Variants in TTC4 observed in about 807,000 individuals in gnomAD.
TTC4 encodes the protein hsp70/Hsp90 co-chaperone CNS1 homolog.
In TTC4, 36 loss-of-function variants were observed where a neutral mutation model predicts 51.9. The ratio of observed to expected loss-of-function variants is 0.69; its 90% confidence interval spans 0.53 to 0.92. The LOEUF is 0.92. TTC4 is among the 40% of genes least tolerant of loss of function. The pLI is 0.00. For missense variants in TTC4, 399 were observed against 454.6 expected (o/e 0.88, Z 1.11); for synonymous variants, 144 against 164.2 (o/e 0.88, Z 0.94).
chr1:54,732,204 T>C (rs553499268), intron 7 of TTC4, among the ~76,000 whole-genome samples: 231 of 150,250 alleles, frequency 1.5e-3, no homozygotes, highest in African/African-American at 5.5e-3. Flanking sequence ...ATCTGTAATA[T>C]CAGCTACTCA....
chr1:54,733,003 C>T (rs1645886301), intron 7 of TTC4, among the ~76,000 whole-genome samples: 1 of 151,712 alleles, frequency 6.6e-6, no homozygotes, highest in Non-Finnish European at 1.5e-5. Context: ...ACGAGAATCA[C>T]TTGAACCCAG....
intron 6 of TTC4, among the ~76,000 whole-genome samples, chr1:54,730,366 C>T (rs1411638092): frequency 2.0e-5 from 3 of 150,324 alleles, no homozygotes; most frequent in South Asian, 4.2e-4. Flanking sequence ...CAACAGTACA[C>T]GAAGCCATGC....
At chr1:54,736,200 GA>G (rs1488839784) in intron 8 of TTC4, among the ~76,000 whole-genome samples, 9 of 135,806 alleles carry the variant, frequency 6.6e-5, no homozygotes, top group African/African-American at 1.7e-4. Flanking sequence ...GAGAGAGAGA[GA>G]GAGAGAGAGA....
At chr1:54,738,197 G>A (rs1206919048) in intron 9 of TTC4, among the ~76,000 whole-genome samples, 1 of 152,058 alleles carries the variant, frequency 6.6e-6, no homozygotes, top group Non-Finnish European at 1.5e-5. Context: ...CACCACTCCC[G>A]GTCAAAAACT....
At chr1:54,729,288 G>C (rs1346996465) in intron 6 of TTC4, among the ~76,000 whole-genome samples, 1 of 152,200 alleles carries the variant, frequency 6.6e-6, no homozygotes, top group East Asian at 1.9e-4. Context: ...TCAGACCATG[G>C]TTGACCACTG....
chr1:54,727,259 G>A (rs535756305), intron 5 of TTC4, among the ~76,000 whole-genome samples: 12 of 152,144 alleles, frequency 7.9e-5, no homozygotes, highest in East Asian at 3.9e-4. Context: ...TCAATAGGGA[G>A]GTAATCTTTT....
At chr1:54,731,058 G>A (rs918103184) in intron 6 of TTC4, among the ~76,000 whole-genome samples, 1 of 152,126 alleles carries the variant, frequency 6.6e-6, no homozygotes, top group Non-Finnish European at 1.5e-5. Flanking sequence ...GAGGCTTGAG[G>A]GCAGGTAGCC....
Position 54,722,765 on chromosome 1 carries a change from T to G in TTC4, c.560T>G (p.Leu187Arg). The change falls in exon 5 of 10, where the codon CTT becomes CGT. Residue 187 changes from leucine (L) to arginine (R), a missense_variant. Around this residue, in one of 3 missense-constraint regions of TTC4, gnomAD observed 316 missense variants for 349.6 expected, o/e 0.90. Transcript: ENST00000371281. ...CAAATAGATGCCAAAGAGAAGAAGC[T>G]TCTGGAAATGAGGGCTAAAGCAGAC... Reference protein sequence around the residue: ...GLQIDAKEKKLLEMRAKADKL... With the variant: ...GLQIDAKEKKRLEMRAKADKL... The G allele has an allele frequency of 6.2e-7, 1 of 1,613,966 alleles. No homozygotes were observed. The highest frequency in any genetic ancestry group is 8.5e-7 in the Non-Finnish European group (1 of 1,179,920).
intron 8 of TTC4, among the ~76,000 whole-genome samples, chr1:54,734,372 A>C (rs1049577127): frequency 6.6e-6 from 1 of 151,638 alleles, no homozygotes; most frequent in African/African-American, 2.4e-5. Flanking sequence ...ATGCCCAACC[A>C]GAATTGTTTT....
At chr1:54,716,104 TC>T in intron 1 of TTC4, 85 bp downstream of exon 1, 1 of 1,067,806 alleles carries the variant, frequency 9.4e-7, no homozygotes, top group Non-Finnish European at 1.4e-6. Context: ...CCTCCTTCAA[TC>T]CCAGATCCCT....
intron 9 of TTC4, among the ~76,000 whole-genome samples, chr1:54,738,359 G>T (rs1166998667): frequency 2.6e-5 from 4 of 152,144 alleles, no homozygotes; most frequent in Admixed American, 2.6e-4. Flanking sequence ...ATTTGGTTGG[G>T]GATACAGAGC....
intron 7 of TTC4, among the ~76,000 whole-genome samples, chr1:54,732,098 G>A (rs547843308): frequency 2.0e-5 from 3 of 151,984 alleles, no homozygotes; most frequent in Non-Finnish European, 4.4e-5. Flanking sequence ...TTGGGAGGCC[G>A]AGTCAGGCAG....
At chr1:54,731,721 C>A in intron 7 of TTC4, 21 bp downstream of exon 7, 1 of 1,606,844 alleles carries the variant, frequency 6.2e-7, no homozygotes. Context: ...GCCCAGGAGC[C>A]CTCTGCTTTT....
At position 54,741,562 on chromosome 1, in the gene TTC4, C is replaced by T; in HGVS notation, c.*49C>T. ...CTCCCTTACCCTCCTCTGCTGGGAA[C>T]CTAGCACACCTGAATCAGCTGGACA... On this transcript the variant is annotated 3_prime_UTR_variant, in exon 10 of 10. Transcript: ENST00000371281. 2 of 1,440,346 alleles carry T rather than the reference C, an allele frequency of 1.4e-6. No homozygotes were observed. Among genetic ancestry groups the T allele is most frequent in the Non-Finnish European group, 9.8e-7 (1 of 1,023,090 alleles). 89.2% of individuals were successfully genotyped at this position (1,440,346 alleles called of 1,614,324 possible).
intron 4 of TTC4, among the ~76,000 whole-genome samples, chr1:54,721,677 TA>T (rs1479460114): frequency 6.6e-6 from 1 of 152,254 alleles, no homozygotes; most frequent in Non-Finnish European, 1.5e-5. Context: ...TTATTACTTT[TA>T]TACTTCACCT....
chr1:54,731,395 AT>A, intron 6 of TTC4, 90 bp from the exon 7 acceptor site: 12 of 1,205,228 alleles, frequency 1.0e-5, no homozygotes, highest in Non-Finnish European at 1.4e-5. Flanking sequence ...TTAGCCAGGC[AT>A]TATGGTTTCT....
At chr1:54,721,328 T>A in intron 4 of TTC4, 88 bp downstream of exon 4, 1 of 1,358,392 alleles carries the variant, frequency 7.4e-7, no homozygotes, top group South Asian at 1.3e-5. Context: ...TTTTGCAGTC[T>A]GGGTATTAAG....
intron 5 of TTC4, among the ~76,000 whole-genome samples, chr1:54,726,301 A>G (rs148674509): frequency 1.3e-4 from 20 of 152,352 alleles, no homozygotes; most frequent in African/African-American, 4.6e-4. Context: ...AAGGCAGGTA[A>G]ATGACATATT....
intron 4 of TTC4, 144 bp downstream of exon 4, chr1:54,721,384 C>A: frequency 1.6e-6 from 1 of 623,908 alleles, no homozygotes; most frequent in Non-Finnish European, 2.7e-6. Flanking sequence ...AAAAGAATTC[C>A]TCAGAGAGTG....
Sources: gnomAD v4.1 joint callset for allele counts (sites outside exome capture counted in the v4.1 genomes callset) on GRCh38, gnomAD v4.1.1 for gene constraint, gnomAD v4.1.1 regional missense constraint, MANE v1.5 for transcripts, NCBI Gene and HGNC (gene_info 2026-07-23, HGNC 2026-07-21) for gene names.